VAX2: variants seen among roughly 807,000 people sequenced by gnomAD.
VAX2 encodes ventral anterior homeobox 2.
Under a neutral mutation model 12.5 loss-of-function variants are expected in VAX2, and 8 were observed. That is an observed-to-expected ratio of 0.64 (90% CI 0.37 to 1.15). VAX2 has a LOEUF of 1.15. Among genes scored for constraint, VAX2 ranks in the 50% most tolerant of loss-of-function variants. The pLI, the probability that VAX2 is intolerant of heterozygous loss-of-function variation, is 0.01. For missense variants in VAX2, 476 were observed against 412.9 expected (o/e 1.15, Z -1.32); for synonymous variants, 183 against 187.6 (o/e 0.98, Z 0.20).
chr2:70,900,758 T>TG lies in VAX2; in HGVS notation c.139dup (p.Ala47GlyfsTer49). 1 of 1,485,102 alleles carries TG rather than the reference T, an allele frequency of 6.7e-7. No homozygotes were observed. The highest frequency in any genetic ancestry group is 1.4e-5 in the African/African-American group (1 of 69,154). The allele number at this position is 1,485,102 out of a possible 1,614,324, so 92.0% of individuals were successfully genotyped here. ...GGCGGTGGCCACAGCCCAACGGAGG[T>TG]GGCCGGGACCTCAGCCTCCAGTCCC... On this transcript the variant is annotated frameshift_variant, in exon 1 of 3. Transcript: ENST00000234392. LOFTEE classifies it high-confidence loss of function.
intron 2 of VAX2, among the ~76,000 whole-genome samples, chr2:70,924,964 C>T (rs79206061): frequency 1.3e-5 from 2 of 152,160 alleles, no homozygotes; most frequent in African/African-American, 2.4e-5. Flanking sequence ...GAGAAGATGA[C>T]GTTGAGCTTA....
At chr2:70,911,166 C>T (rs1242073231) in intron 1 of VAX2, among the ~76,000 whole-genome samples, 3 of 152,030 alleles carry the variant, frequency 2.0e-5, no homozygotes, top group Non-Finnish European at 2.9e-5. Flanking sequence ...TACAAAAACA[C>T]AAACACACAC....
intron 1 of VAX2, among the ~76,000 whole-genome samples, chr2:70,912,447 A>G (rs1488586810): frequency 6.6e-6 from 1 of 152,118 alleles, no homozygotes; most frequent in African/African-American, 2.4e-5. Context: ...AGATCACTTG[A>G]GGTCAGGAGC....
At chr2:70,901,968 G>A (rs1361142459) in intron 1 of VAX2, among the ~76,000 whole-genome samples, 1 of 152,204 alleles carries the variant, frequency 6.6e-6, no homozygotes, top group Non-Finnish European at 1.5e-5. Flanking sequence ...CTTCACACGC[G>A]CCGCTCGGGA....
At chr2:70,903,586 A>G (rs1248811333) in intron 1 of VAX2, among the ~76,000 whole-genome samples, 2 of 152,194 alleles carry the variant, frequency 1.3e-5, no homozygotes, top group Non-Finnish European at 2.9e-5. Flanking sequence ...CTTATCTTAC[A>G]AAGGGACCCA....
intron 1 of VAX2, among the ~76,000 whole-genome samples, chr2:70,911,881 G>C (rs959286592): frequency 1.1e-4 from 16 of 152,084 alleles, no homozygotes; most frequent in African/African-American, 3.9e-4. Flanking sequence ...CTGCAGATGC[G>C]TTTATTTTTA....
chr2:70,912,640 T>C (rs1264776792), intron 1 of VAX2, among the ~76,000 whole-genome samples: 3 of 152,044 alleles, frequency 2.0e-5, no homozygotes, highest in Non-Finnish European at 2.9e-5. Flanking sequence ...CCAGCCTGGG[T>C]GACAGAGTGA....
At chr2:70,907,600 T>C (rs1396887597) in intron 1 of VAX2, among the ~76,000 whole-genome samples, 1 of 152,232 alleles carries the variant, frequency 6.6e-6, no homozygotes, top group East Asian at 1.9e-4. Context: ...GCCCACCGCG[T>C]CCACCCGCGG....
chr2:70,932,726 T>C, intron 2 of VAX2, 41 bp from the exon 3 acceptor site: 1 of 1,211,796 alleles, frequency 8.3e-7, no homozygotes, highest in Non-Finnish European at 1.1e-6. Flanking sequence ...TTGCTTTGCC[T>C]GTCCCATCTC....
chr2:70,929,743 T>C (rs1679654503), intron 2 of VAX2, among the ~76,000 whole-genome samples: 1 of 152,220 alleles, frequency 6.6e-6, no homozygotes, highest in Non-Finnish European at 1.5e-5. Context: ...TAATTGTATT[T>C]TTTAAAGTAT....
intron 1 of VAX2, among the ~76,000 whole-genome samples, chr2:70,916,952 A>G (rs1553412023): frequency 6.6e-6 from 1 of 152,048 alleles, no homozygotes; most frequent in East Asian, 1.9e-4. Flanking sequence ...GGAGTTCGAG[A>G]CCAGCCTGGC....
At chr2:70,907,674 C>T (rs1679092050) in intron 1 of VAX2, among the ~76,000 whole-genome samples, 1 of 152,358 alleles carries the variant, frequency 6.6e-6, no homozygotes, top group East Asian at 1.9e-4. Flanking sequence ...CAGGGCCACA[C>T]TTACAATGTA....
intron 1 of VAX2, among the ~76,000 whole-genome samples, chr2:70,911,523 A>G (rs1437412435): frequency 6.6e-6 from 1 of 152,228 alleles, no homozygotes; most frequent in East Asian, 1.9e-4. Context: ...TTCCTCTTCA[A>G]AAACCATATA....
At chr2:70,927,712 A>G (rs910857594) in intron 2 of VAX2, among the ~76,000 whole-genome samples, 1 of 152,056 alleles carries the variant, frequency 6.6e-6, no homozygotes, top group Non-Finnish European at 1.5e-5. Flanking sequence ...AACTGTGCCC[A>G]TCTCCTGGTG....
intron 1 of VAX2, among the ~76,000 whole-genome samples, chr2:70,906,220 C>T (rs1247847098): frequency 1.3e-5 from 2 of 152,222 alleles, no homozygotes; most frequent in African/African-American, 4.8e-5. Context: ...TCCTCATACC[C>T]CCAACCCAGC....
At chr2:70,913,766 A>C (rs1553411552) in intron 1 of VAX2, among the ~76,000 whole-genome samples, 1 of 152,202 alleles carries the variant, frequency 6.6e-6, no homozygotes, top group Non-Finnish European at 1.5e-5. Flanking sequence ...CAAGGTTTAC[A>C]GGAACAAATG....
At chr2:70,931,328 G>A (rs145947868) in intron 2 of VAX2, among the ~76,000 whole-genome samples, 84 of 152,296 alleles carry the variant, frequency 5.5e-4, no homozygotes, top group African/African-American at 1.9e-3. Context: ...TGAATGTGTG[G>A]CCAACAGAAG....
rs557067074 is a variant in VAX2 at position 70,901,264 on chromosome 2, TC to T, written c.247+397del. Among the ~76,000 whole-genome samples, 407 of 152,328 alleles carry T rather than the reference TC, an allele frequency of 2.7e-3. 1 individual carries two copies. The highest frequency in any genetic ancestry group is 9.5e-3 in the African/African-American group (393 of 41,584). ...GGGACAGGACGTGGAGGGAGCAGCGTCGGCAACCGCGGGAGGAAAAGGCCCC... is the reference window on the plus strand; with the variant it reads ...GGGACAGGACGTGGAGGGAGCAGCGTGGCAACCGCGGGAGGAAAAGGCCCC... On this transcript the variant is annotated intron_variant, in intron 1 of 2. Coordinates refer to ENST00000234392, the MANE Select transcript of VAX2 (RefSeq NM_012476.3).
chr2:70,909,463 T>C (rs937166310), intron 1 of VAX2, among the ~76,000 whole-genome samples: 23 of 152,196 alleles, frequency 1.5e-4, no homozygotes, highest in African/African-American at 5.5e-4. Context: ...GCGCCTCTCA[T>C]AAAATATCTT....
Sources: allele counts gnomAD v4.1 joint callset (sites outside exome capture counted in the v4.1 genomes callset), GRCh38; gene constraint gnomAD v4.1.1; transcripts MANE v1.5; gene names NCBI Gene and HGNC (gene_info 2026-07-23, HGNC 2026-07-21).